B3GLCT: variants seen among roughly 807,000 people sequenced by gnomAD.
B3GLCT encodes beta-1,3-glucosyltransferase.
In B3GLCT, 65 loss-of-function variants were observed where a neutral mutation model predicts 63.4. The ratio of observed to expected loss-of-function variants is 1.03; its 90% confidence interval spans 0.84 to 1.26. The LOEUF (loss-of-function observed/expected upper bound fraction) is 1.26, where lower values mean the gene tolerates loss of function less well. B3GLCT is among the 50% of genes most tolerant of loss of function. B3GLCT has a pLI of 0.00. For synonymous variants in B3GLCT, 233 were observed against 219.2 expected, an observed-to-expected ratio of 1.06 and a Z score of -0.55; for missense variants, 577 against 604.8, an observed-to-expected ratio of 0.95 and a Z score of 0.48.
intron 1 of B3GLCT, among the ~76,000 whole-genome samples, chr13:31,200,570 G>T (rs1288216137): frequency 6.6e-6 from 1 of 151,008 alleles, no homozygotes; most frequent in Non-Finnish European, 1.5e-5. Flanking sequence ...CCGCCCCCCT[G>T]CCTTCCGCCC....
intron 6 of B3GLCT, among the ~76,000 whole-genome samples, chr13:31,259,825 GT>G (rs969451468): frequency 3.4e-5 from 5 of 147,794 alleles, no homozygotes; most frequent in South Asian, 2.2e-4. Context: ...GTTGTTTTCT[GT>G]TTTTTTTTTA....
chr13:31,247,002 C>A (rs746302670), intron 4 of B3GLCT, 21 bp from the exon 5 acceptor site: 1 of 1,436,434 alleles, frequency 7.0e-7, no homozygotes, highest in Non-Finnish European at 9.4e-7. Context: ...TACTTATCTT[C>A]TTTGATCATT....
At chr13:31,258,728 CTTTAA>C (rs1279259367) in intron 6 of B3GLCT, among the ~76,000 whole-genome samples, 1 of 152,174 alleles carries the variant, frequency 6.6e-6, no homozygotes, top group Non-Finnish European at 1.5e-5. Flanking sequence ...TATTCTCTAT[CTTTAA>C]TTTTCAACAG....
At chr13:31,325,869 CAT>C (rs1875578598) in intron 14 of B3GLCT, among the ~76,000 whole-genome samples, 1 of 152,316 alleles carries the variant, frequency 6.6e-6, no homozygotes, top group African/African-American at 2.4e-5. Context: ...GAAGCAGTCT[CAT>C]ATGCAAAATT....
chr13:31,323,945 C>T lies in B3GLCT; in HGVS notation c.1329+50C>T, dbSNP rs570037510. ...CCTCATGGCAGGTGAGGGACAGATTCTTCTCACTTAAGGATTTGACTTCTT... is the reference window on the plus strand; with the variant it reads ...CCTCATGGCAGGTGAGGGACAGATTTTTCTCACTTAAGGATTTGACTTCTT... On this transcript the variant is annotated intron_variant, in intron 14 of 14. Coordinates refer to ENST00000343307, the MANE Select transcript of B3GLCT (RefSeq NM_194318.4). 1.2e-5 allele frequency: 20 copies of T among 1,600,228 alleles called. No individual in the cohort carries two copies. The South Asian group carries it at 2.0e-4, about 16-fold the overall frequency.
At chr13:31,322,798 A>G (rs1330220377) in intron 13 of B3GLCT, among the ~76,000 whole-genome samples, 1 of 152,152 alleles carries the variant, frequency 6.6e-6, no homozygotes, top group Admixed American at 6.5e-5. Context: ...AAGCATTTTT[A>G]CTATTTACTG....
intron 1 of B3GLCT, among the ~76,000 whole-genome samples, chr13:31,200,773 C>G (rs539414194): frequency 6.7e-4 from 102 of 152,198 alleles, no homozygotes; most frequent in African/African-American, 2.0e-3. Context: ...TCGGCGCCAG[C>G]CCTTCCCGGA....
intron 8 of B3GLCT, among the ~76,000 whole-genome samples, chr13:31,273,548 T>C (rs542818700): frequency 2.0e-4 from 30 of 152,214 alleles, no homozygotes; most frequent in Non-Finnish European, 4.3e-4. Flanking sequence ...GTTTTTTGAG[T>C]CTGATTAAAT....
Position 31,306,695 on chromosome 13 carries a change from GGAAGAA to G in B3GLCT, c.1065-10870_1065-10865del, listed in dbSNP as rs1292753406. Among the ~76,000 whole-genome samples the G allele has an allele frequency of 2.0e-4, 2 of 10,094 alleles. 1 individual carries two copies. The highest frequency in any genetic ancestry group is 2.3e-4 in the African/African-American group (2 of 8,588). The allele number at this position is 10,094 out of a possible 152,430, so 6.6% of individuals were successfully genotyped here. On this transcript the variant is annotated intron_variant, in intron 12 of 14. Transcript: ENST00000343307. ...GAAATAAAAGAGGACATAAACAAAT[GGAAGAA>G]CATTCCATGCTCATGGGTAGGAAGA...
intron 3 of B3GLCT, 25 bp from the exon 4 acceptor site, chr13:31,229,160 T>C: frequency 6.9e-7 from 1 of 1,445,210 alleles, no homozygotes; most frequent in Non-Finnish European, 9.7e-7. Context: ...AAGAAATACC[T>C]GAAAACTATT....
At chr13:31,244,598 T>A (rs1871110026) in intron 4 of B3GLCT, among the ~76,000 whole-genome samples, 1 of 152,178 alleles carries the variant, frequency 6.6e-6, no homozygotes, top group African/African-American at 2.4e-5. Flanking sequence ...GGAACATAAA[T>A]TATTATAATC....
intron 12 of B3GLCT, among the ~76,000 whole-genome samples, chr13:31,288,857 T>A (rs972460776): frequency 1.3e-5 from 2 of 151,906 alleles, no homozygotes; most frequent in Non-Finnish European, 2.9e-5. Context: ...ATGATACCAG[T>A]AAAGGACCAC....
chr13:31,316,939 G>T (rs1203231485), intron 12 of B3GLCT, among the ~76,000 whole-genome samples: 1 of 152,134 alleles, frequency 6.6e-6, no homozygotes, highest in African/African-American at 2.4e-5. Context: ...GCAGATAGGG[G>T]CCAAAAGGTA....
intron 12 of B3GLCT, among the ~76,000 whole-genome samples, chr13:31,297,835 C>T (rs1471410362): frequency 6.6e-6 from 1 of 152,136 alleles, no homozygotes; most frequent in Non-Finnish European, 1.5e-5. Context: ...AATACTTTCT[C>T]ACATTTACCA....
intron 1 of B3GLCT, among the ~76,000 whole-genome samples, chr13:31,211,707 A>G (rs536146563): frequency 6.6e-6 from 1 of 152,200 alleles, no homozygotes; most frequent in South Asian, 2.1e-4. Flanking sequence ...TGTGTTGATT[A>G]CGACAAGCAG....
intron 1 of B3GLCT, among the ~76,000 whole-genome samples, chr13:31,201,617 T>A (rs1428482160): frequency 6.6e-6 from 1 of 152,132 alleles, no homozygotes; most frequent in Non-Finnish European, 1.5e-5. Context: ...ACCAAATGGG[T>A]GGGTGGTAGC....
chr13:31,220,552 A>C (rs1167560807), intron 2 of B3GLCT, among the ~76,000 whole-genome samples: 1 of 152,236 alleles, frequency 6.6e-6, no homozygotes, highest in Non-Finnish European at 1.5e-5. Context: ...TCTTTTCACA[A>C]GGGAAGCTGG....
intron 3 of B3GLCT, among the ~76,000 whole-genome samples, chr13:31,226,618 A>G (rs1199120044): frequency 6.6e-6 from 1 of 150,906 alleles, no homozygotes; most frequent in East Asian, 1.9e-4. Context: ...ATTTTTTTTT[A>G]GAGATGTAGT....
chr13:31,330,037 A>G lies in B3GLCT; in HGVS notation c.*369A>G. The G allele has an allele frequency of 3.5e-6, 1 of 283,584 alleles. No homozygotes were observed. Among genetic ancestry groups the G allele is most frequent in the Non-Finnish European group, 6.8e-6 (1 of 146,690 alleles). 17.6% of individuals were successfully genotyped at this position (283,584 alleles called of 1,614,324 possible). A position where few individuals can be genotyped will look rare whatever the true frequency, so the allele number is the denominator to read the frequency against. On this transcript the variant is annotated 3_prime_UTR_variant, in exon 15 of 15. Coordinates refer to ENST00000343307, the MANE Select transcript of B3GLCT (RefSeq NM_194318.4). ...GTAATGGAAGTTTCAGTTGGGCATGAGCCTGGAGAGATGTGACTGTCTACA... is the reference window on the plus strand; with the variant it reads ...GTAATGGAAGTTTCAGTTGGGCATGGGCCTGGAGAGATGTGACTGTCTACA...
Sources: gnomAD v4.1 joint callset for allele counts (sites outside exome capture counted in the v4.1 genomes callset) on GRCh38, gnomAD v4.1.1 for gene constraint, MANE v1.5 for transcripts, NCBI Gene and HGNC (gene_info 2026-07-23, HGNC 2026-07-21) for gene names.